Variants in IGFALS observed in about 807,000 individuals in gnomAD.
IGFALS encodes the protein insulin like growth factor binding protein acid labile subunit.
IGFALS carries 2 observed loss-of-function variants against 2.6 expected under a neutral mutation model. The observed-to-expected ratio is 0.77, with a 90% CI of 0.32 to 2.44. The LOEUF (loss-of-function observed/expected upper bound fraction) is 2.44. IGFALS is among the 30% of genes most tolerant of loss of function. IGFALS has a pLI of 0.11. For missense variants in IGFALS, 996 were observed against 848.7 expected (o/e 1.17, Z -2.16); for synonymous variants, 519 against 431.9 (o/e 1.20, Z -2.50).
In IGFALS at chr16:1,791,732, G is replaced by A. The variant is rs553259333; in HGVS notation, c.686C>T (p.Ala229Val). 47 of 1,555,492 alleles carry A rather than the reference G, an allele frequency of 3.0e-5. 1 individual carries two copies. The highest frequency in any genetic ancestry group is 7.2e-5 in the East Asian group (3 of 41,594). The change falls in exon 2 of 2, where the codon GCG becomes GTG. Residue 229 changes from alanine (A) to valine (V), a missense_variant. Transcript: ENST00000215539. ...ELRELDLSRN[A>V]LRAIKANVFV... ...CACGTTTGCCTTGATGGCCCGCAGC[G>A]CGTTCCTGCTCAGGTCCAGCTCCCG...
At position 1,790,893 on chromosome 16, in the gene IGFALS, G is replaced by A. The variant is rs780196950; in HGVS notation, c.1525C>T (p.Arg509Cys). 101 of 1,574,664 alleles carry A rather than the reference G, an allele frequency of 6.4e-5. No individual in the cohort carries two copies. In the Admixed American group the frequency reaches 1.6e-3, roughly 25 times the overall value. The stretch of plus-strand genomic sequence containing the variant: ...GAGTTGTTCCTGAGGCTGAGGTAGC[G>A]CAGCCGCCCCAGTGGTGCCAAGAGG... ...NSLLAPLGRL[R>C]YLSLRNNSLR... Residue 509 changes from arginine to cysteine, a missense_variant, in exon 2 of 2, where the codon CGC becomes TGC. Physicochemically the swap from Arg to Cys is radical, Grantham distance 180. Transcript: ENST00000215539.
Position 1,793,676 on chromosome 16 carries a change from G to A in IGFALS, c.-24C>T, listed in dbSNP as rs776709123. On this transcript the variant is annotated 5_prime_UTR_variant, in exon 1 of 2. Coordinates refer to ENST00000215539, the MANE Select transcript of IGFALS (RefSeq NM_004970.3). ...ATCCTGCATGCAGGGCAGGCTGCAG[G>A]CAGGCAGCGAGGGAGGGTACGTCTG... 1.3e-6 allele frequency: 2 copies of A among 1,583,984 alleles called. No homozygotes were observed. Among genetic ancestry groups the A allele is most frequent in the Non-Finnish European group, 1.7e-6 (2 of 1,164,514 alleles).
At position 1,790,542 on chromosome 16, in the gene IGFALS, C is replaced by G; in HGVS notation, c.*58G>C. ...CCCTGAGGACACTGAGGACCTGTCC[C>G]CAGCACAAGGTGAGCCAGGTGGGGG... On this transcript the variant is annotated 3_prime_UTR_variant, in exon 2 of 2. Coordinates refer to ENST00000215539, the MANE Select transcript of IGFALS (RefSeq NM_004970.3). 7.0e-7 allele frequency: 1 copy of G among 1,436,660 alleles called. No homozygotes were observed. The highest frequency in any genetic ancestry group is 9.6e-7 in the Non-Finnish European group (1 of 1,046,328). The allele number at this position is 1,436,660 out of a possible 1,614,324, so 89.0% of individuals were successfully genotyped here.
intron 1 of IGFALS, 63 bp downstream of exon 1, chr16:1,793,574 G>C (rs1397906023): frequency 1.0e-4 from 158 of 1,529,616 alleles, no homozygotes; most frequent in Non-Finnish European, 1.3e-4. Context: ...CCTCTCCCCA[G>C]CGGGCTCAGG....
rs778824150 is a variant in IGFALS at position 1,791,980 on chromosome 16, G to C, written c.438C>G (p.Pro146=). 1 of 1,605,262 alleles carries C rather than the reference G, an allele frequency of 6.2e-7. No homozygotes were observed. The highest frequency in any genetic ancestry group is 1.3e-5 in the African/African-American group (1 of 74,852). Residue 146 remains proline, a synonymous_variant, in exon 2 of 2, where the codon CCC becomes CCG. Coordinates refer to ENST00000215539, the MANE Select transcript of IGFALS (RefSeq NM_004970.3). ...SLALGTFAHT[P]ALASLGLSNN... ...TGCTGAGGCCGAGCGAGGCCAGCGC[G>C]GGCGTGTGTGCAAACGTGCCGAGTG...
Position 1,792,224 on chromosome 16 carries a change from A to T in IGFALS, c.194T>A (p.Leu65His). 6.2e-7 allele frequency: 1 copy of T among 1,606,964 alleles called. No individual in the cohort carries two copies. Among genetic ancestry groups the T allele is most frequent in the African/African-American group, 1.3e-5 (1 of 75,036 alleles). ...CGGGACTCCATCAGGCAGGCGCGTG[A>T]GGTTCCTGGAGCTGCAGAAGACGCT... Reference protein sequence around the residue: ...ELSVFCSSRNLTRLPDGVPGG... With the variant: ...ELSVFCSSRNHTRLPDGVPGG... Residue 65 changes from leucine to histidine, a missense_variant, in exon 2 of 2, where the codon CTC (leucine) becomes CAC (histidine). Coordinates refer to ENST00000215539, the MANE Select transcript of IGFALS (RefSeq NM_004970.3).
rs759097092 is a variant in IGFALS, at chr16:1,792,237, T to C, written c.181A>G (p.Ser61Gly). Residue 61 changes from serine to glycine, a missense_variant, in exon 2 of 2, where the codon AGC (serine) becomes GGC (glycine). Transcript: ENST00000215539. ...DDADELSVFC[S>G]SRNLTRLPDG... is the part of the protein sequence containing the mutation. ...GGCAGGCGCGTGAGGTTCCTGGAGC[T>C]GCAGAAGACGCTGAGCTCATCCGCG... The C allele has an allele frequency of 1.5e-5, 24 of 1,605,002 alleles. No individual in the cohort carries two copies. Among genetic ancestry groups the C allele is most frequent in the South Asian group, 6.6e-5 (6 of 91,028 alleles).
intron 1 of IGFALS, among the ~76,000 whole-genome samples, chr16:1,793,152 G>A (rs574846991): frequency 7.2e-5 from 11 of 152,290 alleles, no homozygotes; most frequent in African/African-American, 1.2e-4. Flanking sequence ...TGGCAGGGGC[G>A]AGGTGGGGCC....
In IGFALS at chr16:1,790,710, C is replaced by G. The variant is rs143070371; in HGVS notation, c.1708G>C (p.Asp570His). Reference sequence around the variant, plus strand: ...TAGGTGTACGCGGGCGGCTGGCAATCGTCCCCCTCACAGATGGCCTGGACG... The same window carrying G: ...TAGGTGTACGCGGGCGGCTGGCAATGGTCCCCCTCACAGATGGCCTGGACG... ...RFVQAICEGD[D>H]CQPPAYTYNN... The change falls in exon 2 of 2, where the codon GAT becomes CAT. Residue 570 changes from aspartate to histidine, a missense_variant. Physicochemically the swap from Asp to His is moderately conservative, Grantham distance 81. Coordinates refer to ENST00000215539, the MANE Select transcript of IGFALS (RefSeq NM_004970.3). The G allele has an allele frequency of 1.9e-6, 3 of 1,608,640 alleles. No individual in the cohort carries two copies. The South Asian group carries it at 3.3e-5, about 18-fold the overall frequency.
At position 1,792,409 on chromosome 16, in the gene IGFALS, G is replaced by A. The variant is rs960344867; in HGVS notation, c.17-8C>T. The A allele has an allele frequency of 1.3e-6, 2 of 1,557,042 alleles. No individual in the cohort carries two copies. The highest frequency in any genetic ancestry group is 2.7e-5 in the African/African-American group (2 of 73,918). On this transcript the variant is annotated splice_region_variant and splice_polypyrimidine_tract_variant and intron_variant, in intron 1 of 1. Transcript: ENST00000215539. ...GCGCCAGGGCCAGGCCTCCTGCGGG[G>A]GGAGAGGCTTGGGGAGGCGGCCCGA...
chr16:1,791,337 G>T lies in IGFALS; in HGVS notation c.1081C>A (p.Leu361Ile), dbSNP rs1317156818. 6.2e-7 allele frequency: 1 copy of T among 1,608,322 alleles called. No individual in the cohort carries two copies. The highest frequency in any genetic ancestry group is 1.1e-5 in the South Asian group (1 of 91,090). The change falls in exon 2 of 2, where the codon CTC becomes ATC. Residue 361 changes from leucine (L) to isoleucine (I), a missense_variant. Leu to Ile is a conservative substitution (Grantham distance 5). Transcript: ENST00000215539. ...QEVKAGAFLGLTNVAVMNLSG... is the reference protein window; with the variant it reads ...QEVKAGAFLGITNVAVMNLSG... The stretch of plus-strand genomic sequence containing the variant: ...AGGTTCATGACCGCCACGTTGGTGA[G>T]GCCGAGGAAAGCGCCCGCCTTGACC...
At position 1,791,198 on chromosome 16, in the gene IGFALS, G is replaced by A. The variant is rs1005976537; in HGVS notation, c.1220C>T (p.Thr407Ile). Residue 407 changes from threonine (T) to isoleucine (I), a missense_variant, in exon 2 of 2, where the codon ACC (threonine) becomes ATC (isoleucine). Transcript: ENST00000215539. ...CLGRIRPHTF[T>I]GLSGLRRLFL... Reference sequence around the variant, plus strand: ...GAGTCGGCGGAGCCCCGAGAGGCCGGTGAAGGTGTGCGGGCGGATGCGTCC... The same window carrying A: ...GAGTCGGCGGAGCCCCGAGAGGCCGATGAAGGTGTGCGGGCGGATGCGTCC... 1.9e-5 allele frequency: 31 copies of A among 1,607,886 alleles called. No individual in the cohort carries two copies. Among genetic ancestry groups the A allele is most frequent in the Non-Finnish European group, 2.5e-5 (30 of 1,179,896 alleles).
upstream of IGFALS, chr16:1,794,767 C>G: frequency 4.4e-6 from 3 of 688,830 alleles, no homozygotes; most frequent in Non-Finnish European, 5.3e-6. Flanking sequence ...GGGGTGCAGG[C>G]GGGGGCACAG....
upstream of IGFALS, chr16:1,794,786 C>A (rs1230695407): frequency 2.9e-6 from 2 of 697,024 alleles, no homozygotes; most frequent in Non-Finnish European, 5.2e-6. Flanking sequence ...AGCCAGGGCT[C>A]GGGGAGACCA....
chr16:1,791,773 G>T lies in IGFALS; in HGVS notation c.645C>A (p.Ser215Arg), dbSNP rs371081398. 26 of 1,548,254 alleles carry T rather than the reference G, an allele frequency of 1.7e-5. No individual in the cohort carries two copies. The highest frequency in any genetic ancestry group is 2.4e-5 in the East Asian group (1 of 41,248). The stretch of plus-strand genomic sequence containing the variant: ...CCAGCTCCCGGAGCTCGGCCAGGCC[G>T]CTGAAGAGCGCGGGCTGCAGGTAGG... ...RLAYLQPALF[S>R]GLAELRELDL... Residue 215 changes from serine (S) to arginine (R), a missense_variant, in exon 2 of 2, where the codon AGC becomes AGA. Coordinates refer to ENST00000215539, the MANE Select transcript of IGFALS (RefSeq NM_004970.3).
At chr16:1,794,578 A>G (rs1487903071), upstream of IGFALS, among the ~76,000 whole-genome samples, 5 of 152,068 alleles carry the variant, frequency 3.3e-5, no homozygotes, top group East Asian at 9.7e-4. Flanking sequence ...CTGCCTCCAG[A>G]GGCCCCTGGT....
rs534175817 is a variant in IGFALS at position 1,791,608 on chromosome 16, C to G, written c.810G>C (p.Trp270Cys). 1.9e-6 allele frequency: 3 copies of G among 1,565,568 alleles called. No individual in the cohort carries two copies. The African/African-American group carries it at 4.1e-5, about 21-fold the overall frequency. The change falls in exon 2 of 2, where the codon TGG (tryptophan) becomes TGC (cysteine). Residue 270 changes from tryptophan to cysteine, a missense_variant. By Grantham distance (215) the Trp-to-Cys change is radical. Coordinates refer to ENST00000215539, the MANE Select transcript of IGFALS (RefSeq NM_004970.3). ...GAFLGLKALR[W>C]LDLSHNRVAG... ...CCACGCGGTTGTGGGACAGGTCCAG[C>G]CATCGCAGCGCCTTCAGGCCCAGGA...
In IGFALS at chr16:1,792,165, T is replaced by C. The variant is rs1018818474; in HGVS notation, c.253A>G (p.Asn85Asp). 1.2e-6 allele frequency: 2 copies of C among 1,611,374 alleles called. No individual in the cohort carries two copies. Among genetic ancestry groups the C allele is most frequent in the Non-Finnish European group, 8.5e-7 (1 of 1,179,680 alleles). Residue 85 changes from asparagine to aspartate, a missense_variant, in exon 2 of 2, where the codon AAC (asparagine) becomes GAC (aspartate). Transcript: ENST00000215539. ...GTQALWLDGN[N>D]LSSVPPAAFQ... ...GCTGCCGGGGGGACGGACGAGAGGT[T>C]GTTGCCGTCCAGCCACAGGGCTTGG...
upstream of IGFALS, chr16:1,793,833 GC>G (rs1897283328): frequency 3.6e-6 from 2 of 554,170 alleles, no homozygotes; most frequent in East Asian, 6.1e-5. Flanking sequence ...TCAGCCCGGA[GC>G]CCTGGGGTGC....
Sources: allele counts gnomAD v4.1 joint callset (sites outside exome capture counted in the v4.1 genomes callset), GRCh38; gene constraint gnomAD v4.1.1; transcripts MANE v1.5; gene names NCBI Gene and HGNC (gene_info 2026-07-23, HGNC 2026-07-21).